TBC1D22A: variants seen among roughly 807,000 people sequenced by gnomAD.
TBC1D22A encodes putative GTPase activator.
Under a neutral mutation model 60.2 loss-of-function variants are expected in TBC1D22A, and 38 were observed. That is an observed-to-expected ratio of 0.63 (90% CI 0.49 to 0.83). The LOEUF is 0.83. TBC1D22A is among the 40% of genes least tolerant of loss of function. The pLI is 0.00. For synonymous variants in TBC1D22A, 302 were observed against 281.7 expected (o/e 1.07, Z -0.72); for missense variants, 628 against 701.0 (o/e 0.90, Z 1.18).
At chr22:47,020,343 C>T (rs922342943) in intron 10 of TBC1D22A, among the ~76,000 whole-genome samples, 6 of 152,090 alleles carry the variant, frequency 3.9e-5, no homozygotes, top group Admixed American at 6.5e-5. Context: ...TACAGTGCGT[C>T]GGGAGAGAGG....
rs1437081650 is a variant in TBC1D22A, at chr22:46,987,553, C to CT, written c.1126-10078dup. On this transcript the variant is annotated intron_variant, in intron 9 of 12. Coordinates refer to ENST00000337137, the MANE Select transcript of TBC1D22A (RefSeq NM_014346.5). ...TAAAACTAGCCACACAAGTTTTTTG[C>CT]TTTCTCAATGCATATAAAAGTTATA... 2.0e-5 allele frequency among the ~76,000 whole-genome samples: 3 copies of CT among 152,234 alleles called. No individual in the cohort carries two copies. In the East Asian group the frequency reaches 5.8e-4, roughly 29 times the overall value.
chr22:46,954,716 C>T (rs1266567655), intron 8 of TBC1D22A, among the ~76,000 whole-genome samples: 1 of 152,214 alleles, frequency 6.6e-6, no homozygotes, highest in Non-Finnish European at 1.5e-5. Context: ...TGAAATGGGT[C>T]ATCTACCCAT....
chr22:47,068,555 G>C (rs927745323), intron 11 of TBC1D22A, among the ~76,000 whole-genome samples: 2 of 152,324 alleles, frequency 1.3e-5, no homozygotes, highest in South Asian at 4.1e-4. Flanking sequence ...ATCTCATCAA[G>C]TGGAATATGC....
intron 10 of TBC1D22A, among the ~76,000 whole-genome samples, chr22:47,025,430 G>A (rs1241649401): frequency 6.6e-6 from 1 of 152,182 alleles, no homozygotes. Flanking sequence ...AATTAAATTA[G>A]CAATCTTTAG....
At chr22:46,775,870 T>G (rs922045518) in intron 1 of TBC1D22A, among the ~76,000 whole-genome samples, 7 of 152,244 alleles carry the variant, frequency 4.6e-5, no homozygotes, top group African/African-American at 1.7e-4. Flanking sequence ...ACGGTGTACC[T>G]TTAAAATGCT....
At chr22:46,800,563 C>T (rs954515163) in intron 4 of TBC1D22A, among the ~76,000 whole-genome samples, 3 of 152,142 alleles carry the variant, frequency 2.0e-5, no homozygotes, top group Admixed American at 6.5e-5. Context: ...ACTGGTTACT[C>T]GCCACGTGAC....
At chr22:46,827,872 A>G (rs779084654) in intron 4 of TBC1D22A, among the ~76,000 whole-genome samples, 3 of 152,218 alleles carry the variant, frequency 2.0e-5, no homozygotes. Context: ...TGTCTGTCTC[A>G]ACCACGTGAG....
rs375540482 is a variant in TBC1D22A, at chr22:46,974,418, G to A, written c.1125+19G>A. ...CATTCAGGTGAGCGCCCGCGCCCAC[G>A]GGACACAGCCCACGCCCACAGCCCC... On this transcript the variant is annotated intron_variant, in intron 9 of 12. Coordinates refer to ENST00000337137, the MANE Select transcript of TBC1D22A (RefSeq NM_014346.5). The A allele has an allele frequency of 1.6e-5, 26 of 1,589,336 alleles. No homozygotes were observed. The highest frequency in any genetic ancestry group is 3.4e-5 in the South Asian group (3 of 87,908).
chr22:47,032,751 G>C (rs1193688236), intron 10 of TBC1D22A, among the ~76,000 whole-genome samples: 1 of 152,238 alleles, frequency 6.6e-6, no homozygotes, highest in Non-Finnish European at 1.5e-5. Flanking sequence ...GCTGACTTCA[G>C]CTTATCTCCA....
In TBC1D22A at chr22:47,161,286, G is replaced by C. The variant is rs927935190; in HGVS notation, c.1426-12212G>C. ...CAGCTATTTTCCCTCCCAGGCTGGC[G>C]ACTGTCGGGGGCGGTCCATCTCCTG... On this transcript the variant is annotated intron_variant, in intron 12 of 12. Coordinates refer to ENST00000337137, the MANE Select transcript of TBC1D22A (RefSeq NM_014346.5). Among the ~76,000 whole-genome samples, 5 of 152,142 alleles carry C rather than the reference G, an allele frequency of 3.3e-5. No individual in the cohort carries two copies. The East Asian group carries it at 9.6e-4, about 29-fold the overall frequency.
rs772304663 is a variant in TBC1D22A, at chr22:46,793,713, G to A, written c.332G>A (p.Arg111Gln). ...CGTAACCACAGCCAGCGGCAGGGGC[G>A]GCCCACGCTGCAGGAGGGGCCAGGG... ...VLRNHSQRQG[R>Q]PTLQEGPGLQ... is the part of the protein sequence containing the mutation. The change falls in exon 3 of 13, where the codon CGG (arginine) becomes CAG (glutamine). Residue 111 changes from arginine to glutamine, a missense_variant. Arg to Gln is a conservative substitution (Grantham distance 43). Transcript: ENST00000337137. The A allele has an allele frequency of 2.9e-5, 47 of 1,611,116 alleles. No homozygotes were observed. Among genetic ancestry groups the A allele is most frequent in the South Asian group, 2.5e-4 (23 of 90,902 alleles).
intron 11 of TBC1D22A, among the ~76,000 whole-genome samples, chr22:47,073,942 A>G (rs1287453002): frequency 6.6e-6 from 1 of 152,150 alleles, no homozygotes; most frequent in Non-Finnish European, 1.5e-5. Flanking sequence ...AGCCTGGGCA[A>G]CATAGCAAGA....
chr22:46,990,131 A>G lies in TBC1D22A; in HGVS notation c.1126-7503A>G, dbSNP rs2074883636. On this transcript the variant is annotated intron_variant, in intron 9 of 12. Transcript: ENST00000337137. The surrounding 1 kb of genome is among the most constrained non-coding windows in gnomAD (Gnocchi z 4.6). ...AAAATGTAAGTTTTATTTAAAATGAACTCTTATAGATAGTTTATTCTTGCA... is the reference window on the plus strand; with the variant it reads ...AAAATGTAAGTTTTATTTAAAATGAGCTCTTATAGATAGTTTATTCTTGCA... 6.6e-6 allele frequency among the ~76,000 whole-genome samples: 1 copy of G among 152,066 alleles called. No homozygotes were observed. Among genetic ancestry groups the G allele is most frequent in the Non-Finnish European group, 1.5e-5 (1 of 68,006 alleles).
chr22:46,870,782 A>C (rs1602242733), intron 4 of TBC1D22A, among the ~76,000 whole-genome samples: 1 of 152,220 alleles, frequency 6.6e-6, no homozygotes, highest in Non-Finnish European at 1.5e-5. Context: ...CTCACATGAC[A>C]GAGGAGCAGA....
intron 9 of TBC1D22A, among the ~76,000 whole-genome samples, chr22:46,989,048 T>G (rs1429042217): frequency 6.6e-6 from 1 of 152,232 alleles, no homozygotes; most frequent in Non-Finnish European, 1.5e-5. Flanking sequence ...ACTTTTATGC[T>G]ATGGAGACGG....
Position 46,968,225 on chromosome 22 carries a change from C to T in TBC1D22A, c.1016-6065C>T, listed in dbSNP as rs1418469357. Among the ~76,000 whole-genome samples, 3 of 152,218 alleles carry T rather than the reference C, an allele frequency of 2.0e-5. No homozygotes were observed. The East Asian group carries it at 5.8e-4, about 29-fold the overall frequency. On this transcript the variant is annotated intron_variant, in intron 8 of 12. Coordinates refer to ENST00000337137, the MANE Select transcript of TBC1D22A (RefSeq NM_014346.5). The stretch of plus-strand genomic sequence containing the variant: ...GGATGCTCCTTACTGAGTCAGAGGC[C>T]TCCATGCTGTGCGGGGTCCTGCTGT...
intron 11 of TBC1D22A, among the ~76,000 whole-genome samples, chr22:47,054,802 G>A (rs551608267): frequency 6.6e-5 from 10 of 152,322 alleles, no homozygotes; most frequent in African/African-American, 1.9e-4. Flanking sequence ...GGGCAAGGGC[G>A]AGGGGCTCAT....
intron 4 of TBC1D22A, among the ~76,000 whole-genome samples, chr22:46,803,301 C>A (rs758691627): frequency 6.6e-6 from 1 of 152,186 alleles, no homozygotes; most frequent in East Asian, 1.9e-4. Flanking sequence ...GGCTGGGAAC[C>A]GGGGTCACCC....
At chr22:46,871,799 G>A (rs968303399) in intron 4 of TBC1D22A, among the ~76,000 whole-genome samples, 25 of 152,056 alleles carry the variant, frequency 1.6e-4, no homozygotes, top group African/African-American at 5.6e-4. Context: ...AACAAAAACC[G>A]AGTAAAAGAA....
Sources: gnomAD v4.1 joint callset for allele counts (sites outside exome capture counted in the v4.1 genomes callset) on GRCh38, gnomAD v4.1.1 for gene constraint, Gnocchi (gnomAD v3.1) non-coding constraint, MANE v1.5 for transcripts, NCBI Gene and HGNC (gene_info 2026-07-23, HGNC 2026-07-21) for gene names.